Variants in NAP1L1 observed in about 807,000 individuals in gnomAD.
NAP1L1 encodes nucleosome assembly protein 1-like 1.
NAP1L1 carries 9 observed loss-of-function variants against 58.9 expected under a neutral mutation model. The ratio of observed to expected loss-of-function variants is 0.15; its 90% CI spans 0.09 to 0.27. The LOEUF (loss-of-function observed/expected upper bound fraction) is 0.27, where lower values mean the gene tolerates loss of function less well. Ranked by LOEUF, NAP1L1 falls within the 10% of genes least tolerant of loss-of-function variation. The pLI is 1.00. For missense variants in NAP1L1, 302 were observed against 458.8 expected, an observed-to-expected ratio of 0.66 and a Z score of 3.12; for synonymous variants, 130 against 138.3, an observed-to-expected ratio of 0.94 and a Z score of 0.42.
chr12:76,049,686 C>A, intron 13 of NAP1L1, 70 bp downstream of exon 13: 2 of 1,578,558 alleles, frequency 1.3e-6, no homozygotes, highest in Non-Finnish European at 1.7e-6. Flanking sequence ...CAAAGGAATA[C>A]ATAAGTCATT....
Position 76,041,058 on chromosome 12 carries a change from G to GCTAA in NAP1L1, c.*7367_*7370dup, listed in dbSNP as rs943467576. ...CCCCTAGCCCCTGCATTATGAAAGAGCTAACTGTATACACAATCCAGCTTT... is the reference window on the plus strand; with the variant it reads ...CCCCTAGCCCCTGCATTATGAAAGAGCTAACTAACTGTATACACAATCCAGCTTT... On this transcript the variant is annotated 3_prime_UTR_variant, in exon 15 of 15. Coordinates refer to ENST00000618691, the MANE Select transcript of NAP1L1 (RefSeq NM_004537.7). 6.6e-6 allele frequency: 1 copy of GCTAA among 152,204 alleles called. No homozygotes were observed. Among genetic ancestry groups the GCTAA allele is most frequent in the Non-Finnish European group, 1.5e-5 (1 of 68,040 alleles). 9.4% of individuals were successfully genotyped at this position (152,204 alleles called of 1,614,324 possible).
intron 4 of NAP1L1, among the ~76,000 whole-genome samples, chr12:76,062,636 A>G (rs1397784525): frequency 1.5e-4 from 23 of 152,240 alleles, no homozygotes. Context: ...AACAAATAAG[A>G]GAAACAGGAT....
intron 1 of NAP1L1, among the ~76,000 whole-genome samples, chr12:76,079,413 T>C (rs1339779484): frequency 6.6e-6 from 1 of 152,088 alleles, no homozygotes; most frequent in Admixed American, 6.6e-5. Context: ...GGCAGGAAGA[T>C]CACTTGAACC....
chr12:76,069,024 C>G, intron 2 of NAP1L1, 30 bp from the exon 3 acceptor site: 1 of 1,474,194 alleles, frequency 6.8e-7, no homozygotes, highest in Non-Finnish European at 9.3e-7. Context: ...CACCAAGGTT[C>G]AAATGTACCA....
At chr12:76,067,346 A>T in intron 4 of NAP1L1, 25 bp downstream of exon 4, 1 of 1,539,050 alleles carries the variant, frequency 6.5e-7, no homozygotes, top group Non-Finnish European at 8.9e-7. Context: ...TAGAAAGATA[A>T]ATAAGGACTA....
chr12:76,080,882 A>G (rs891993549), intron 1 of NAP1L1, among the ~76,000 whole-genome samples: 11 of 152,022 alleles, frequency 7.2e-5, no homozygotes, highest in Admixed American at 2.0e-4. Flanking sequence ...GGATTAATGT[A>G]TTTCTTTATA....
chr12:76,063,057 G>A (rs1385877456), intron 4 of NAP1L1, among the ~76,000 whole-genome samples: 1 of 152,060 alleles, frequency 6.6e-6, no homozygotes, highest in East Asian at 1.9e-4. Flanking sequence ...ATAAAAGCAG[G>A]ACAAAAATTA....
intron 1 of NAP1L1, among the ~76,000 whole-genome samples, chr12:76,074,878 A>G (rs925736002): frequency 6.6e-6 from 1 of 152,146 alleles, no homozygotes; most frequent in Non-Finnish European, 1.5e-5. Flanking sequence ...CTCATGTTAG[A>G]TAACTGACAA....
intron 1 of NAP1L1, among the ~76,000 whole-genome samples, chr12:76,081,013 G>T (rs1489862591): frequency 1.3e-5 from 2 of 152,042 alleles, no homozygotes; most frequent in Non-Finnish European, 2.9e-5. Context: ...CACAAGTAAG[G>T]TTCTCACCAC....
rs537329107 is a variant in NAP1L1 at position 76,038,929 on chromosome 12, G to A, written c.*9500C>T. On this transcript the variant is annotated 3_prime_UTR_variant, in exon 15 of 15. Transcript: ENST00000618691. Reference sequence around the variant, plus strand: ...AAGTCATTGTCTCAACCTAATTTGTGCATGCATGGTTCTGAGAAAGGTTAT... The same window carrying A: ...AAGTCATTGTCTCAACCTAATTTGTACATGCATGGTTCTGAGAAAGGTTAT... The A allele has an allele frequency of 6.6e-6, 1 of 152,222 alleles. No homozygotes were observed. The highest frequency in any genetic ancestry group is 1.9e-4 in the East Asian group (1 of 5,184). 9.4% of individuals were successfully genotyped at this position (152,222 alleles called of 1,614,324 possible).
chr12:76,049,062 G>T, intron 14 of NAP1L1, 138 bp downstream of exon 14: 5 of 772,328 alleles, frequency 6.5e-6, no homozygotes, highest in Non-Finnish European at 1.1e-5. Context: ...ATGCCAGTGG[G>T]ACTGAAAAAA....
At chr12:76,049,386 A>G in intron 13 of NAP1L1, 136 bp from the exon 14 acceptor site, 2 of 1,545,916 alleles carry the variant, frequency 1.3e-6, no homozygotes, top group Non-Finnish European at 1.7e-6. Flanking sequence ...TGATAATACA[A>G]TTTAATTTGA....
chr12:76,044,641 C>T lies in NAP1L1; in HGVS notation c.*3788G>A, dbSNP rs529414464. The T allele has an allele frequency of 6.6e-6, 1 of 152,216 alleles. No homozygotes were observed. Among genetic ancestry groups the T allele is most frequent in the African/African-American group, 2.4e-5 (1 of 41,540 alleles). 9.4% of individuals were successfully genotyped at this position (152,216 alleles called of 1,614,324 possible). A position where few individuals can be genotyped will look rare whatever the true frequency, so the allele number is the denominator to read the frequency against. On this transcript the variant is annotated 3_prime_UTR_variant, in exon 15 of 15. Transcript: ENST00000618691. ...CATAAAGCTGAAGTCTTAAGTCAAA[C>T]CATTATAAGTCAGGGACTGTCTGTA...
In NAP1L1 at chr12:76,041,286, G is replaced by A. The variant is rs1168495444; in HGVS notation, c.*7143C>T. 1.3e-5 allele frequency: 2 copies of A among 152,152 alleles called. No individual in the cohort carries two copies. Among genetic ancestry groups the A allele is most frequent in the Admixed American group, 6.5e-5 (1 of 15,282 alleles). The allele number at this position is 152,152 out of a possible 1,614,324, so 9.4% of individuals were successfully genotyped here. A position where few individuals can be genotyped will look rare whatever the true frequency, so the allele number is the denominator to read the frequency against. On this transcript the variant is annotated 3_prime_UTR_variant, in exon 15 of 15. Coordinates refer to ENST00000618691, the MANE Select transcript of NAP1L1 (RefSeq NM_004537.7). ...CTTACCAAGTTCCAAGCACAGTGCT[G>A]GAAATTAGGAAACTCATTAATAAGC...
chr12:76,075,637 G>T (rs1950143806), intron 1 of NAP1L1, among the ~76,000 whole-genome samples: 1 of 152,124 alleles, frequency 6.6e-6, no homozygotes, highest in African/African-American at 2.4e-5. Context: ...GCTGGGTAAT[G>T]AGTCAGCATT....
At chr12:76,054,422 T>C (rs1047495830) in intron 8 of NAP1L1, among the ~76,000 whole-genome samples, 4 of 152,200 alleles carry the variant, frequency 2.6e-5, no homozygotes, top group African/African-American at 7.2e-5. Context: ...GAGGTACAAA[T>C]TGAACTGAAT....
rs565327903 is a variant in NAP1L1, at chr12:76,038,408, A to G, written c.*10021T>C. The G allele has an allele frequency of 1.3e-5, 2 of 152,304 alleles. No homozygotes were observed. The highest frequency in any genetic ancestry group is 6.5e-5 in the Admixed American group (1 of 15,300). The allele number at this position is 152,304 out of a possible 1,614,324, so 9.4% of individuals were successfully genotyped here. A position where few individuals can be genotyped will look rare whatever the true frequency, so the allele number is the denominator to read the frequency against. On this transcript the variant is annotated 3_prime_UTR_variant, in exon 15 of 15. Transcript: ENST00000618691. ...TTTGCTGTCATTTTTCCATTGCCAC[A>G]AAACACACAGCCTGAGGACATAGGC...
At chr12:76,080,534 TACATTCTATG>T (rs1321208674) in intron 1 of NAP1L1, among the ~76,000 whole-genome samples, 1 of 152,180 alleles carries the variant, frequency 6.6e-6, no homozygotes, top group Non-Finnish European at 1.5e-5. Flanking sequence ...TTTGTGTAAA[TACATTCTATG>T]ACATTCACAA....
chr12:76,061,313 T>C (rs12320393), intron 4 of NAP1L1, among the ~76,000 whole-genome samples: 3,900 of 152,302 alleles, frequency 0.026, 151 homozygotes, highest in African/African-American at 0.089. Flanking sequence ...CCAGTGTCTG[T>C]TGTTTCCTTC....
Sources: allele counts gnomAD v4.1 joint callset (sites outside exome capture counted in the v4.1 genomes callset), GRCh38; gene constraint gnomAD v4.1.1; transcripts MANE v1.5; gene names NCBI Gene and HGNC (gene_info 2026-07-23, HGNC 2026-07-21).